CTNNA3: variants seen among roughly 807,000 people sequenced by gnomAD.
The protein encoded by CTNNA3 is catenin alpha-3.
Under a neutral mutation model 95.7 loss-of-function variants are expected in CTNNA3, and 76 were observed. The observed-to-expected ratio is 0.79, with a 90% CI of 0.66 to 0.96. The LOEUF (loss-of-function observed/expected upper bound fraction) is 0.96. Among genes scored for constraint, CTNNA3 ranks in the 40% least tolerant of loss-of-function variants. The probability of loss-of-function intolerance (pLI) is 0.00; values close to 1 mark genes in which losing one functional copy is unlikely to be tolerated. For missense variants in CTNNA3, 1,191 were observed against 1,089.8 expected, an observed-to-expected ratio of 1.09 and a Z score of -1.31; for synonymous variants, 431 against 374.4, an observed-to-expected ratio of 1.15 and a Z score of -1.74.
At chr10:66,249,997 G>A (rs1351525185) in intron 13 of CTNNA3, among the ~76,000 whole-genome samples, 1 of 152,160 alleles carries the variant, frequency 6.6e-6, no homozygotes, top group Non-Finnish European at 1.5e-5. Flanking sequence ...AGCAACTTCA[G>A]TGTCCATCAT....
At chr10:66,380,625 CTATATATA>C (rs57630837) in intron 11 of CTNNA3, among the ~76,000 whole-genome samples, 20,254 of 122,722 alleles carry the variant, frequency 0.17, 1,856 homozygotes, top group East Asian at 0.4. Context: ...ATCTATCTAT[CTATATATA>C]TATATATATT....
At chr10:66,947,448 G>T (rs1848332030) in intron 7 of CTNNA3, among the ~76,000 whole-genome samples, 1 of 152,120 alleles carries the variant, frequency 6.6e-6, no homozygotes, top group Non-Finnish European at 1.5e-5. Flanking sequence ...GAATGGTTCT[G>T]CTTCTTCTAC....
intron 11 of CTNNA3, among the ~76,000 whole-genome samples, chr10:66,452,252 C>T (rs1215718861): frequency 1.3e-5 from 2 of 152,084 alleles, no homozygotes; most frequent in Admixed American, 6.6e-5. Flanking sequence ...TATATTATTT[C>T]GTGTACTGTA....
At chr10:66,656,615 A>G (rs1299744333) in intron 9 of CTNNA3, among the ~76,000 whole-genome samples, 1 of 152,080 alleles carries the variant, frequency 6.6e-6, no homozygotes, top group South Asian at 2.1e-4. Context: ...ATTAACCCCA[A>G]TAAACATTTA....
intron 15 of CTNNA3, among the ~76,000 whole-genome samples, chr10:65,995,529 T>G (rs908922824): frequency 6.6e-6 from 1 of 152,208 alleles, no homozygotes; most frequent in African/African-American, 2.4e-5. Context: ...TCCTCAGGCC[T>G]CGGTGGTGGG....
At chr10:66,883,902 G>A (rs1044142052) in intron 7 of CTNNA3, among the ~76,000 whole-genome samples, 1 of 152,076 alleles carries the variant, frequency 6.6e-6, no homozygotes, top group Admixed American at 6.6e-5. Flanking sequence ...GAGTATCTGA[G>A]GCTGAGTAAT....
chr10:66,760,086 G>A (rs1005941966), intron 9 of CTNNA3, among the ~76,000 whole-genome samples: 12 of 152,060 alleles, frequency 7.9e-5, no homozygotes, highest in Non-Finnish European at 1.5e-4. Flanking sequence ...TAATAAGTTA[G>A]GTTTAAATGC....
chr10:67,096,640 C>A (rs10997505), intron 7 of CTNNA3, among the ~76,000 whole-genome samples: 84,215 of 151,642 alleles, frequency 0.56, 24,738 homozygotes, highest in African/African-American at 0.76. Context: ...GAAATGGGAA[C>A]TATCTCTAGA....
At chr10:67,497,230 G>T (rs1181506052) in intron 5 of CTNNA3, among the ~76,000 whole-genome samples, 2 of 152,132 alleles carry the variant, frequency 1.3e-5, no homozygotes, top group East Asian at 3.9e-4. Flanking sequence ...ATGGTTTCCA[G>T]CTTCATCCAT....
At chr10:65,940,225 G>T (rs529422836) in intron 17 of CTNNA3, among the ~76,000 whole-genome samples, 1 of 152,234 alleles carries the variant, frequency 6.6e-6, no homozygotes, top group East Asian at 1.9e-4. Context: ...CTTACCTCTT[G>T]TACTTCTAAG....
intron 7 of CTNNA3, among the ~76,000 whole-genome samples, chr10:67,116,742 ATAAT>A (rs1859210425): frequency 6.8e-6 from 1 of 146,646 alleles, no homozygotes; most frequent in African/African-American, 2.5e-5. Flanking sequence ...ATATATATAT[ATAAT>A]ATATAAAATA....
chr10:66,414,060 T>A (rs142509621), intron 11 of CTNNA3, among the ~76,000 whole-genome samples: 329 of 152,348 alleles, frequency 2.2e-3, no homozygotes, highest in African/African-American at 7.6e-3. Context: ...AATTATTTTA[T>A]TCTCCTAAAT....
intron 3 of CTNNA3, among the ~76,000 whole-genome samples, chr10:67,559,380 G>T (rs1841394897): frequency 6.6e-6 from 1 of 152,150 alleles, no homozygotes; most frequent in South Asian, 2.1e-4. Flanking sequence ...AGGCAAACAG[G>T]GTCTGGAGTG....
At chr10:67,539,084 T>C (rs1387678983) in intron 4 of CTNNA3, among the ~76,000 whole-genome samples, 1 of 152,196 alleles carries the variant, frequency 6.6e-6, no homozygotes, top group Non-Finnish European at 1.5e-5. Context: ...CAAGAGGACA[T>C]GGCAAAGTAG....
intron 10 of CTNNA3, among the ~76,000 whole-genome samples, chr10:66,606,840 CA>C (rs1844141166): frequency 6.6e-6 from 1 of 151,990 alleles, no homozygotes; most frequent in African/African-American, 2.4e-5. Context: ...CTCAAGTTAA[CA>C]ACCTAACATC....
At chr10:66,306,672 C>T (rs1255216989) in intron 12 of CTNNA3, among the ~76,000 whole-genome samples, 1 of 152,282 alleles carries the variant, frequency 6.6e-6, no homozygotes, top group Admixed American at 6.5e-5. Flanking sequence ...CTCACCATAA[C>T]GACCATCGAG....
intron 12 of CTNNA3, among the ~76,000 whole-genome samples, chr10:66,297,442 T>G (rs2091797083): frequency 6.6e-6 from 1 of 152,124 alleles, no homozygotes; most frequent in East Asian, 1.9e-4. Context: ...AATCATATAT[T>G]TTCAAAAAGT....
chr10:67,015,679 A>G (rs1226976398), intron 7 of CTNNA3, among the ~76,000 whole-genome samples: 1 of 152,162 alleles, frequency 6.6e-6, no homozygotes, highest in Non-Finnish European at 1.5e-5. Context: ...ATGAACTTCA[A>G]TTTGAAGATT....
At chr10:65,945,254 T>A (rs145576088) in intron 17 of CTNNA3, among the ~76,000 whole-genome samples, 14 of 151,936 alleles carry the variant, frequency 9.2e-5, no homozygotes, top group Admixed American at 3.9e-4. Context: ...TGAAAAATGG[T>A]TGGAATTTGT....
Sources: gnomAD v4.1 joint callset for allele counts (sites outside exome capture counted in the v4.1 genomes callset) on GRCh38, gnomAD v4.1.1 for gene constraint, MANE v1.5 for transcripts, NCBI Gene and HGNC (gene_info 2026-07-23, HGNC 2026-07-21) for gene names.